The following ACTR3C variants were observed in gnomAD, a reference collection of about 807,000 sequenced individuals.
ACTR3C encodes actin related protein 3C.
In ACTR3C, 18 loss-of-function variants were observed where a neutral mutation model predicts 26.3. The observed-to-expected ratio is 0.68, with a 90% confidence interval of 0.47 to 1.01. The LOEUF (loss-of-function observed/expected upper bound fraction) is 1.01, where lower values mean the gene tolerates loss of function less well. Ranked by LOEUF, ACTR3C falls within the 50% of genes least tolerant of loss-of-function variation. The probability of loss-of-function intolerance (pLI) is 0.00; values close to 1 mark genes in which losing one functional copy is unlikely to be tolerated. For synonymous variants in ACTR3C, 55 were observed against 94.5 expected (o/e 0.58, Z 2.42); for missense variants, 184 against 250.7 (o/e 0.73, Z 1.80).
At chr7:150,222,315 G>C in the ACTR3C span, among the ~76,000 whole-genome samples, 1 of 152,208 alleles carries the variant, frequency 6.6e-6, no homozygotes, top group East Asian at 1.9e-4. Flanking sequence ...CACATCCTTG[G>C]GCAAATTATT....
At chr7:150,047,756 G>C in the ACTR3C span, 5 of 1,494,080 alleles carry the variant, frequency 3.3e-6, no homozygotes, top group African/African-American at 4.3e-5. Flanking sequence ...CGTCCTCCTC[G>C]GGCCCCTGGC....
chr7:150,019,131 C>T, the ACTR3C span, among the ~76,000 whole-genome samples: 1 of 149,970 alleles, frequency 6.7e-6, no homozygotes, highest in Non-Finnish European at 1.5e-5. Context: ...CAAATCAAAA[C>T]ATGAAAGAGA....
the ACTR3C span, among the ~76,000 whole-genome samples, chr7:150,010,347 T>C: frequency 6.6e-6 from 1 of 152,192 alleles, no homozygotes; most frequent in East Asian, 1.9e-4. Flanking sequence ...ATCATTTCAT[T>C]TGATAACAGT....
At chr7:150,067,267 C>T in the ACTR3C span, among the ~76,000 whole-genome samples, 822 of 152,324 alleles carry the variant, frequency 5.4e-3, 8 homozygotes, top group African/African-American at 0.019. Context: ...GTTTGACTGT[C>T]TTCATTTAGA....
the ACTR3C span, among the ~76,000 whole-genome samples, chr7:149,940,347 C>G: frequency 6.6e-6 from 1 of 151,998 alleles, no homozygotes; most frequent in Admixed American, 6.6e-5. Flanking sequence ...GATTATGTAG[C>G]CTGCTGCCTG....
the ACTR3C span, among the ~76,000 whole-genome samples, chr7:150,149,136 A>C: frequency 8.3e-6 from 1 of 120,990 alleles, no homozygotes; most frequent in African/African-American, 3.0e-5. Flanking sequence ...TGCATTGGCC[A>C]TTTGGATTTT....
At chr7:149,908,583 C>T in the ACTR3C span, among the ~76,000 whole-genome samples, 37 of 152,288 alleles carry the variant, frequency 2.4e-4, no homozygotes, top group African/African-American at 8.2e-4. Flanking sequence ...TTTTCCCTGT[C>T]GACATTCCCC....
At chr7:149,986,392 ACT>A in the ACTR3C span, among the ~76,000 whole-genome samples, 1 of 151,740 alleles carries the variant, frequency 6.6e-6, no homozygotes, top group Non-Finnish European at 1.5e-5. Context: ...CTATTTTAAA[ACT>A]CTGGCTGTTA....
intron 2 of ACTR3C, among the ~76,000 whole-genome samples, chr7:150,294,041 T>G (rs532625954): frequency 5.9e-5 from 9 of 152,332 alleles, no homozygotes; most frequent in African/African-American, 2.2e-4. Flanking sequence ...TTCTACTTCA[T>G]TGGTTTCCGG....
downstream of ACTR3C, chr7:150,244,157 T>C (rs1197846607): frequency 1.3e-5 from 1 of 79,994 alleles, no homozygotes; most frequent in Non-Finnish European, 2.2e-5. Context: ...AATATAGTCT[T>C]AGAATATTGA....
the ACTR3C span, among the ~76,000 whole-genome samples, chr7:150,066,312 A>G: frequency 6.6e-6 from 1 of 152,204 alleles, no homozygotes; most frequent in Admixed American, 6.5e-5. Flanking sequence ...GAGGCTCCAC[A>G]TCCTCTGTCT....
the ACTR3C span, among the ~76,000 whole-genome samples, chr7:149,947,793 A>G: frequency 6.9e-6 from 1 of 145,158 alleles, no homozygotes; most frequent in Admixed American, 6.6e-5. Flanking sequence ...GGGAATGGCC[A>G]TTGGAGGGAT....
the ACTR3C span, among the ~76,000 whole-genome samples, chr7:150,128,846 G>T: frequency 1.2e-3 from 181 of 151,098 alleles, no homozygotes; most frequent in Middle Eastern, 3.5e-3. Flanking sequence ...TCAACTGTAA[G>T]AGACAGGAGA....
chr7:149,956,813 G>A, the ACTR3C span, among the ~76,000 whole-genome samples: 3 of 152,136 alleles, frequency 2.0e-5, no homozygotes, highest in East Asian at 1.9e-4. Context: ...AAGATATCAC[G>A]ACCAGTGAGC....
intron 1 of ACTR3C, among the ~76,000 whole-genome samples, chr7:150,310,092 C>CGTTA (rs1796172834): frequency 6.6e-6 from 1 of 152,186 alleles, no homozygotes; most frequent in Non-Finnish European, 1.5e-5. Context: ...TTATCCCCAC[C>CGTTA]TGCCCAGTTC....
At chr7:150,031,641 G>T in the ACTR3C span, among the ~76,000 whole-genome samples, 14 of 152,234 alleles carry the variant, frequency 9.2e-5, no homozygotes, top group South Asian at 1.5e-3. Context: ...TGACAGGCAG[G>T]TGTATTTATA....
chr7:150,122,076 A>G, the ACTR3C span, among the ~76,000 whole-genome samples: 1 of 152,206 alleles, frequency 6.6e-6, no homozygotes, highest in Non-Finnish European at 1.5e-5. Context: ...ACAAAAATTA[A>G]CTTAAGATGG....
chr7:150,185,841 C>G, the ACTR3C span, among the ~76,000 whole-genome samples: 3 of 152,124 alleles, frequency 2.0e-5, no homozygotes, highest in Non-Finnish European at 4.4e-5. Flanking sequence ...CTGTTCCTTA[C>G]GGGGCCCAGC....
the ACTR3C span, among the ~76,000 whole-genome samples, chr7:150,046,704 CCCTT>C: frequency 7.0e-6 from 1 of 143,680 alleles, no homozygotes; most frequent in African/African-American, 2.6e-5. Flanking sequence ...ACAGTTTCCT[CCCTT>C]CTAAGTCCTA....
Sources: gnomAD v4.1 joint callset for allele counts (sites outside exome capture counted in the v4.1 genomes callset) on GRCh38, gnomAD v4.1.1 for gene constraint, MANE v1.5 for transcripts, NCBI Gene and HGNC (gene_info 2026-07-23, HGNC 2026-07-21) for gene names.